The following ROPN1L variants were observed in gnomAD, a reference collection of about 807,000 sequenced individuals.
The protein encoded by ROPN1L is ropporin-1-like protein.
In ROPN1L, 23 loss-of-function variants were observed where a neutral mutation model predicts 22.7. The ratio of observed to expected loss-of-function variants is 1.01; its 90% CI spans 0.73 to 1.43. The LOEUF (loss-of-function observed/expected upper bound fraction) is 1.43. Ranked by LOEUF, ROPN1L falls within the 40% of genes most tolerant of loss-of-function variation. The pLI is 0.00. For synonymous variants in ROPN1L, 116 were observed against 117.8 expected (o/e 0.98, Z 0.10); for missense variants, 271 against 291.5 (o/e 0.93, Z 0.51).
At chr5:10,478,315 T>C in the ROPN1L span, among the ~76,000 whole-genome samples, 2 of 152,244 alleles carry the variant, frequency 1.3e-5, no homozygotes, top group African/African-American at 4.8e-5. Context: ...CCCAGTACCC[T>C]TTCTGTATTA....
rs757945543 is a variant in ROPN1L at position 10,448,388 on chromosome 5, G to A, written c.255+5G>A. On this transcript the variant is annotated splice_donor_5th_base_variant and intron_variant, in intron 2 of 4. Transcript: ENST00000274134. ...CTGAAAGTTTTGCACAAGCAGGTAT[G>A]GGGGGGCGTAGTCTCTGGCCTCAGG... The A allele has an allele frequency of 3.1e-6, 5 of 1,613,712 alleles. No homozygotes were observed. The highest frequency in any genetic ancestry group is 4.2e-6 in the Non-Finnish European group (5 of 1,179,776).
chr5:10,446,490 G>A (rs372631704), intron 1 of ROPN1L, among the ~76,000 whole-genome samples: 19 of 152,068 alleles, frequency 1.2e-4, no homozygotes, highest in African/African-American at 3.6e-4. Context: ...GTGAAACCCC[G>A]TCTCTAATAA....
chr5:10,462,558 A>G (rs959445861), intron 4 of ROPN1L, among the ~76,000 whole-genome samples: 2 of 152,226 alleles, frequency 1.3e-5, no homozygotes, highest in Non-Finnish European at 1.5e-5. Flanking sequence ...CCTGATTCCT[A>G]TGTACAGCAT....
At chr5:10,467,835 A>G (rs138892472), downstream of ROPN1L, among the ~76,000 whole-genome samples, 851 of 152,296 alleles carry the variant, frequency 5.6e-3, 5 homozygotes, top group Middle Eastern at 0.02. Context: ...GTCTCAGAGT[A>G]GTGACCAAAA....
the ROPN1L span, among the ~76,000 whole-genome samples, chr5:10,482,790 T>C: frequency 6.6e-6 from 1 of 152,182 alleles, no homozygotes; most frequent in Non-Finnish European, 1.5e-5. Context: ...TGAAGAATCA[T>C]GAGATAAAAT....
chr5:10,473,950 G>A (rs959796109), downstream of ROPN1L, among the ~76,000 whole-genome samples: 8 of 152,064 alleles, frequency 5.3e-5, no homozygotes, highest in East Asian at 1.4e-3. Context: ...GCAGGAGTTC[G>A]AGACCACCCT....
chr5:10,480,781 G>A, the ROPN1L span, among the ~76,000 whole-genome samples: 1 of 152,134 alleles, frequency 6.6e-6, no homozygotes, highest in African/African-American at 2.4e-5. Flanking sequence ...ATTGATGTCT[G>A]AGAGGATCTG....
the ROPN1L span, among the ~76,000 whole-genome samples, chr5:10,480,450 G>T: frequency 1.3e-5 from 2 of 151,800 alleles, no homozygotes; most frequent in East Asian, 3.9e-4. Flanking sequence ...CCCCTGGGAG[G>T]CACAGCCTGG....
At chr5:10,446,534 A>T (rs973647224) in intron 1 of ROPN1L, among the ~76,000 whole-genome samples, 2 of 152,042 alleles carry the variant, frequency 1.3e-5, no homozygotes, top group African/African-American at 4.8e-5. Flanking sequence ...GGTGATGCAC[A>T]TGTGTAATCC....
chr5:10,445,458 G>A (rs896932869), intron 1 of ROPN1L, among the ~76,000 whole-genome samples: 24 of 152,220 alleles, frequency 1.6e-4, no homozygotes, highest in Admixed American at 1.4e-3. Flanking sequence ...GTTAAGCAAA[G>A]TAGTGGCTTG....
intron 3 of ROPN1L, among the ~76,000 whole-genome samples, chr5:10,460,896 G>T (rs904483161): frequency 1.3e-5 from 2 of 152,260 alleles, no homozygotes; most frequent in Non-Finnish European, 2.9e-5. Context: ...TGGTTTTCAA[G>T]ACATTGATGC....
chr5:10,458,048 C>T (rs1734885090), intron 3 of ROPN1L, among the ~76,000 whole-genome samples: 1 of 152,068 alleles, frequency 6.6e-6, no homozygotes, highest in Non-Finnish European at 1.5e-5. Context: ...TGTAAATACT[C>T]CCACTGCTGC....
At chr5:10,457,687 C>T (rs983685934) in intron 3 of ROPN1L, among the ~76,000 whole-genome samples, 4 of 152,176 alleles carry the variant, frequency 2.6e-5, no homozygotes, top group African/African-American at 7.2e-5. Context: ...TAGCCTGGAG[C>T]GGCCTCAGAG....
At chr5:10,476,629 A>G (rs1374807133), downstream of ROPN1L, among the ~76,000 whole-genome samples, 3 of 152,236 alleles carry the variant, frequency 2.0e-5, no homozygotes, top group African/African-American at 4.8e-5. Flanking sequence ...TTGTGTTTCA[A>G]GTGGAAAGAA....
the ROPN1L span, among the ~76,000 whole-genome samples, chr5:10,477,473 C>T: frequency 6.6e-6 from 1 of 152,308 alleles, no homozygotes; most frequent in East Asian, 1.9e-4. Context: ...AGGAACTGAG[C>T]TGACATCTGT....
intron 1 of ROPN1L, among the ~76,000 whole-genome samples, chr5:10,442,637 A>G (rs1740924876): frequency 6.6e-6 from 1 of 152,280 alleles, no homozygotes; most frequent in Non-Finnish European, 1.5e-5. Context: ...TGTTAAAAAA[A>G]TTACACGGTT....
intron 3 of ROPN1L, among the ~76,000 whole-genome samples, chr5:10,452,317 G>GTGTGTGTGTC (rs1554029749): frequency 2.7e-4 from 39 of 142,426 alleles, no homozygotes; most frequent in African/African-American, 1.0e-3. Context: ...GTGTGTGTCT[G>GTGTGTGTGTC]TGTGTGTGTG....
chr5:10,472,421 G>A (rs376289041), downstream of ROPN1L, among the ~76,000 whole-genome samples: 6 of 152,350 alleles, frequency 3.9e-5, no homozygotes, highest in East Asian at 7.7e-4. Flanking sequence ...GCCCAAGAGA[G>A]TTGGCACATG....
In ROPN1L at chr5:10,448,395, C is replaced by A. The variant is rs199682495; in HGVS notation, c.255+12C>A. 4.3e-6 allele frequency: 7 copies of A among 1,613,724 alleles called. No homozygotes were observed. In the Admixed American group the frequency reaches 6.7e-5, roughly 15 times the overall value. On this transcript the variant is annotated intron_variant, in intron 2 of 4. Transcript: ENST00000274134. The stretch of plus-strand genomic sequence containing the variant: ...TTTTGCACAAGCAGGTATGGGGGGG[C>A]GTAGTCTCTGGCCTCAGGCAGCTGG...
Sources: gnomAD v4.1 joint callset for allele counts (sites outside exome capture counted in the v4.1 genomes callset) on GRCh38, gnomAD v4.1.1 for gene constraint, MANE v1.5 for transcripts, NCBI Gene and HGNC (gene_info 2026-07-23, HGNC 2026-07-21) for gene names.